Variants in VCL observed in about 807,000 individuals in gnomAD.
VCL encodes epididymis luminal protein 114.
In VCL, 47 loss-of-function variants were observed where a neutral mutation model predicts 125.7. The observed-to-expected ratio is 0.37, with a 90% CI of 0.30 to 0.48. The LOEUF (loss-of-function observed/expected upper bound fraction) is 0.48. VCL is among the 20% of genes least tolerant of loss of function. The probability of loss-of-function intolerance (pLI) is 0.99; values close to 1 mark genes in which losing one functional copy is unlikely to be tolerated. For missense variants in VCL, 1,069 were observed against 1,455.5 expected (o/e 0.73, Z 4.32); for synonymous variants, 458 against 514.6 (o/e 0.89, Z 1.49).
chr10:74,083,266 A>G, intron 7 of VCL, 100 bp from the exon 8 acceptor site: 1 of 1,511,720 alleles, frequency 6.6e-7, no homozygotes, highest in Non-Finnish European at 9.1e-7. Flanking sequence ...CGTCTTGTTT[A>G]AAATCATCCA....
chr10:74,008,850 AG>A (rs1840364982), intron 1 of VCL, among the ~76,000 whole-genome samples: 1 of 152,228 alleles, frequency 6.6e-6, no homozygotes, highest in Non-Finnish European at 1.5e-5. Context: ...TTGATGAGGA[AG>A]GTCCATTCAG....
At chr10:74,093,221 C>T (rs1321419769) in intron 10 of VCL, among the ~76,000 whole-genome samples, 6 of 151,864 alleles carry the variant, frequency 4.0e-5, no homozygotes, top group Admixed American at 6.6e-5. Flanking sequence ...GGCTTGAACC[C>T]GAGAGGCAGA....
At chr10:74,103,423 T>C (rs1840089156) in intron 14 of VCL, among the ~76,000 whole-genome samples, 1 of 152,214 alleles carries the variant, frequency 6.6e-6, no homozygotes, top group South Asian at 2.1e-4. Context: ...ATGGGGTTGT[T>C]GTGAGGATTT....
intron 2 of VCL, among the ~76,000 whole-genome samples, chr10:74,044,700 CATCCATATAAAA>C (rs1462680707): frequency 6.6e-6 from 1 of 152,156 alleles, no homozygotes; most frequent in Non-Finnish European, 1.5e-5. Context: ...TGCACACCAG[CATCCATATAAAA>C]AACATTTCTA....
intron 14 of VCL, 149 bp from the exon 15 acceptor site, chr10:74,103,671 C>A: frequency 1.4e-6 from 1 of 740,544 alleles, no homozygotes; most frequent in Non-Finnish European, 2.4e-6. Flanking sequence ...TTTATTGAGA[C>A]CAAACCTCAT....
chr10:74,101,236 G>A, intron 14 of VCL, 139 bp downstream of exon 14: 4 of 1,276,504 alleles, frequency 3.1e-6, no homozygotes, highest in African/African-American at 1.5e-5. Context: ...CTATAATTCC[G>A]GCACTTTGGG....
intron 1 of VCL, among the ~76,000 whole-genome samples, chr10:74,041,927 A>G (rs1841101690): frequency 6.6e-6 from 1 of 152,158 alleles, no homozygotes; most frequent in Admixed American, 6.5e-5. Context: ...AAAATAACAA[A>G]ACAACTTACA....
chr10:74,016,017 A>G (rs901274416), intron 1 of VCL, among the ~76,000 whole-genome samples: 4 of 151,844 alleles, frequency 2.6e-5, no homozygotes, highest in Non-Finnish European at 4.4e-5. Flanking sequence ...TTTTGTAAAT[A>G]ATGGGGTCTC....
chr10:74,109,296 C>G (rs1435306700), intron 18 of VCL, 140 bp downstream of exon 18: 1 of 1,070,560 alleles, frequency 9.3e-7, no homozygotes, highest in East Asian at 2.6e-5. Context: ...TAGCATATTC[C>G]TCTTCTTACC....
chr10:74,019,330 A>G (rs1965491), intron 1 of VCL, among the ~76,000 whole-genome samples: 108,363 of 151,944 alleles, frequency 0.71, 39,602 homozygotes, highest in African/African-American at 0.84. Flanking sequence ...GTGGTTTGCT[A>G]CACCTATCAA....
intron 21 of VCL, among the ~76,000 whole-genome samples, chr10:74,116,265 T>C (rs1840308810): frequency 6.6e-6 from 1 of 152,156 alleles, no homozygotes; most frequent in Admixed American, 6.5e-5. Context: ...CATATTCTAA[T>C]CCAACAACTC....
intron 10 of VCL, among the ~76,000 whole-genome samples, chr10:74,092,493 C>T (rs1253769344): frequency 6.6e-6 from 1 of 152,100 alleles, no homozygotes; most frequent in Non-Finnish European, 1.5e-5. Context: ...TCATCAAACC[C>T]AATAGCTTGA....
At chr10:73,999,029 G>C (rs985555890) in intron 1 of VCL, among the ~76,000 whole-genome samples, 4 of 152,042 alleles carry the variant, frequency 2.6e-5, no homozygotes, top group Non-Finnish European at 5.9e-5. Flanking sequence ...CACTCCTCTG[G>C]CACTCTCACA....
chr10:74,041,545 T>C (rs930776600), intron 1 of VCL, among the ~76,000 whole-genome samples: 3 of 152,206 alleles, frequency 2.0e-5, no homozygotes, highest in Admixed American at 1.3e-4. Context: ...GGAAGATCTA[T>C]ATAAAATGAC....
intron 7 of VCL, among the ~76,000 whole-genome samples, chr10:74,082,765 T>C (rs977049741): frequency 3.9e-5 from 6 of 152,134 alleles, no homozygotes; most frequent in African/African-American, 1.4e-4. Context: ...GAGGAGTAAG[T>C]CATACTGAGC....
At chr10:74,108,545 T>C (rs1840173353) in intron 17 of VCL, among the ~76,000 whole-genome samples, 1 of 152,054 alleles carries the variant, frequency 6.6e-6, no homozygotes, top group African/African-American at 2.4e-5. Flanking sequence ...AGTGGCATGA[T>C]CTCAGCTCAC....
chr10:74,090,376 T>A (rs1839859976), intron 10 of VCL, among the ~76,000 whole-genome samples, 178 bp downstream of exon 10: 1 of 152,224 alleles, frequency 6.6e-6, no homozygotes, highest in Non-Finnish European at 1.5e-5. Flanking sequence ...GATGTTAATT[T>A]GCTGTATCAG....
intron 8 of VCL, among the ~76,000 whole-genome samples, chr10:74,087,790 A>G (rs1275041751): frequency 6.6e-6 from 1 of 151,958 alleles, no homozygotes; most frequent in Non-Finnish European, 1.5e-5. Context: ...AGCCTGGCCA[A>G]CAGTGTGAAA....
chr10:74,035,256 CTT>C (rs1170159869), intron 1 of VCL, among the ~76,000 whole-genome samples: 29 of 139,642 alleles, frequency 2.1e-4, no homozygotes, highest in East Asian at 2.1e-4. Flanking sequence ...TTTTTTCTTT[CTT>C]TTTTTTTTTT....
Sources: gnomAD v4.1 joint callset for allele counts (sites outside exome capture counted in the v4.1 genomes callset) on GRCh38, gnomAD v4.1.1 for gene constraint, MANE v1.5 for transcripts, NCBI Gene and HGNC (gene_info 2026-07-23, HGNC 2026-07-21) for gene names.